The following KAZN variants were observed in gnomAD, a reference collection of about 807,000 sequenced individuals.
The protein encoded by KAZN is kazrin, periplakin interacting protein, also known as kazrin.
A neutral mutation model predicts 87.4 loss-of-function variants in KAZN; 40 were observed. That is an observed-to-expected ratio of 0.46 (90% CI 0.36 to 0.60). The LOEUF is 0.60. Ranked by LOEUF, KAZN falls within the 20% of genes least tolerant of loss-of-function variation. The pLI is 0.00. For missense variants in KAZN, 898 were observed against 1,073.9 expected (o/e 0.84, Z 2.29); for synonymous variants, 466 against 458.3 (o/e 1.02, Z -0.22).
intron 1 of KAZN, among the ~76,000 whole-genome samples, chr1:14,706,435 CAAT>C (rs1346897116): frequency 2.6e-5 from 4 of 150,992 alleles, no homozygotes; most frequent in African/African-American, 9.8e-5. Flanking sequence ...CTATAGTTTA[CAAT>C]AATATATTAT....
chr1:14,053,279 C>A (rs143352632), intron 1 of KAZN, among the ~76,000 whole-genome samples: 1 of 152,306 alleles, frequency 6.6e-6, no homozygotes, highest in East Asian at 1.9e-4. Context: ...TTGCCAACAA[C>A]CTGAGTGAGC....
At chr1:14,875,279 C>T (rs1237321883) in intron 1 of KAZN, among the ~76,000 whole-genome samples, 2 of 141,854 alleles carry the variant, frequency 1.4e-5, no homozygotes, top group Admixed American at 7.6e-5. Flanking sequence ...TGCAGTGGGC[C>T]GAGATCATGC....
chr1:15,087,625 G>A (rs1640324233), intron 8 of KAZN, among the ~76,000 whole-genome samples: 1 of 152,120 alleles, frequency 6.6e-6, no homozygotes, highest in African/African-American at 2.4e-5. Context: ...GACCTCAGGT[G>A]ATCCACCCAC....
At chr1:14,650,517 G>A (rs184773307) in intron 1 of KAZN, among the ~76,000 whole-genome samples, 7 of 152,182 alleles carry the variant, frequency 4.6e-5, no homozygotes, top group Admixed American at 3.3e-4. Flanking sequence ...CCACACTCCA[G>A]CCTGGGGGAT....
At chr1:14,490,256 A>T (rs1391375750) in intron 2 of KAZN, among the ~76,000 whole-genome samples, 1 of 152,134 alleles carries the variant, frequency 6.6e-6, no homozygotes, top group East Asian at 1.9e-4. Flanking sequence ...AGACCCTTTT[A>T]TATCAGGAAA....
chr1:14,074,316 T>A (rs1475586503), intron 1 of KAZN, among the ~76,000 whole-genome samples: 3 of 152,204 alleles, frequency 2.0e-5, no homozygotes, highest in Non-Finnish European at 4.4e-5. Flanking sequence ...ACCCTGACTC[T>A]GTGCCACCTC....
At chr1:14,405,819 C>T (rs972487495) in intron 2 of KAZN, among the ~76,000 whole-genome samples, 10 of 151,998 alleles carry the variant, frequency 6.6e-5, no homozygotes, top group South Asian at 2.1e-4. Flanking sequence ...GCTGATGTTT[C>T]GGTGTGAAAG....
intron 2 of KAZN, among the ~76,000 whole-genome samples, chr1:14,997,092 A>G (rs1325718744): frequency 6.6e-6 from 1 of 151,736 alleles, no homozygotes. Flanking sequence ...CTGCTCGGAG[A>G]GGTCCTTCCT....
At chr1:13,986,793 C>T (rs1639039594) in intron 1 of KAZN, among the ~76,000 whole-genome samples, 1 of 152,126 alleles carries the variant, frequency 6.6e-6, no homozygotes, top group Admixed American at 6.5e-5. Context: ...AGAAACCAGC[C>T]ACCGGGGCCC....
chr1:14,004,868 G>A (rs1435666490), intron 1 of KAZN, among the ~76,000 whole-genome samples: 1 of 152,106 alleles, frequency 6.6e-6, no homozygotes, highest in African/African-American at 2.4e-5. Flanking sequence ...TTATCACGGG[G>A]GTGGGGAACT....
At chr1:14,186,015 T>C (rs966989593) in intron 2 of KAZN, among the ~76,000 whole-genome samples, 13 of 152,186 alleles carry the variant, frequency 8.5e-5, no homozygotes, top group Admixed American at 4.6e-4. Flanking sequence ...AAGTTGCACC[T>C]CTTACTTGGG....
intron 2 of KAZN, among the ~76,000 whole-genome samples, chr1:14,431,422 G>A (rs369284459): frequency 7.2e-5 from 11 of 152,330 alleles, no homozygotes; most frequent in African/African-American, 2.6e-4. Flanking sequence ...GCCCTAAGTA[G>A]AAAAGATGAG....
chr1:14,075,732 G>A (rs1195867134), intron 1 of KAZN, among the ~76,000 whole-genome samples: 3 of 152,158 alleles, frequency 2.0e-5, no homozygotes, highest in Non-Finnish European at 4.4e-5. Context: ...GCACCAGGGA[G>A]AGCAGCAACA....
chr1:14,715,537 C>T (rs543537515), intron 1 of KAZN, among the ~76,000 whole-genome samples: 3 of 152,232 alleles, frequency 2.0e-5, no homozygotes, highest in South Asian at 2.1e-4. Flanking sequence ...CTCAGCGCTC[C>T]GAAAACAGGC....
chr1:14,069,789 A>G (rs1026032061), intron 1 of KAZN, among the ~76,000 whole-genome samples: 5 of 152,186 alleles, frequency 3.3e-5, no homozygotes, highest in Admixed American at 6.5e-5. Flanking sequence ...TTTATTCCTT[A>G]TTAGCCACAA....
chr1:14,082,855 AC>A (rs1643732106), intron 1 of KAZN, among the ~76,000 whole-genome samples: 1 of 152,046 alleles, frequency 6.6e-6, no homozygotes, highest in Non-Finnish European at 1.5e-5. Flanking sequence ...TTTACCTCCC[AC>A]TTACACTTAA....
intron 2 of KAZN, among the ~76,000 whole-genome samples, chr1:14,579,002 G>A (rs1221033274): frequency 2.0e-5 from 3 of 152,134 alleles, no homozygotes; most frequent in Non-Finnish European, 2.9e-5. Context: ...TAATAAAAAT[G>A]TAAGTTGAAT....
chr1:14,594,049 G>A (rs535002522), upstream of KAZN, among the ~76,000 whole-genome samples: 1 of 152,322 alleles, frequency 6.6e-6, no homozygotes, highest in Non-Finnish European at 1.5e-5. Flanking sequence ...GAGGGCACTA[G>A]AGTAGACAAT....
intron 1 of KAZN, among the ~76,000 whole-genome samples, chr1:14,157,827 C>T (rs1330040391): frequency 6.6e-6 from 1 of 152,092 alleles, no homozygotes; most frequent in Non-Finnish European, 1.5e-5. Flanking sequence ...AGCTTACAAT[C>T]ATGGAGGAAG....
Sources: gnomAD v4.1 joint callset for allele counts (sites outside exome capture counted in the v4.1 genomes callset) on GRCh38, gnomAD v4.1.1 for gene constraint, MANE v1.5 for transcripts, NCBI Gene and HGNC (gene_info 2026-07-23, HGNC 2026-07-21) for gene names.